MEIS3: variants seen among roughly 807,000 people sequenced by gnomAD.
The protein encoded by MEIS3 is Meis homeobox 3.
A neutral mutation model predicts 51.4 loss-of-function variants in MEIS3; 38 were observed. The observed-to-expected ratio is 0.74, with a 90% CI of 0.57 to 0.97. The LOEUF (loss-of-function observed/expected upper bound fraction) is 0.97, where lower values mean the gene tolerates loss of function less well. Ranked by LOEUF, MEIS3 falls within the 50% of genes least tolerant of loss-of-function variation. The pLI, the probability that MEIS3 is intolerant of heterozygous loss-of-function variation, is 0.00. For synonymous variants in MEIS3, 198 were observed against 201.8 expected, an observed-to-expected ratio of 0.98 and a Z score of 0.16; for missense variants, 456 against 502.6, an observed-to-expected ratio of 0.91 and a Z score of 0.89.
At chr19:47,406,552 A>G (rs780684396) in intron 11 of MEIS3, 26 bp from the exon 12 acceptor site, 2 of 1,613,328 alleles carry the variant, frequency 1.2e-6, no homozygotes, top group South Asian at 2.2e-5. Context: ...AAAGGAGGGT[A>G]AGTGCGTCTT....
intron 6 of MEIS3, 55 bp from the exon 7 acceptor site, chr19:47,409,602 G>A (rs973488778): frequency 7.7e-5 from 99 of 1,292,984 alleles, no homozygotes; most frequent in Non-Finnish European, 9.6e-5. Flanking sequence ...AGTGGCTCAC[G>A]CCTGTAATCC....
intron 9 of MEIS3, 84 bp from the exon 10 acceptor site, chr19:47,407,221 C>G: frequency 1.3e-6 from 2 of 1,509,412 alleles, no homozygotes; most frequent in Admixed American, 4.4e-5. Context: ...GGCCGGAGGA[C>G]AGCGGCGGGG....
intron 6 of MEIS3, among the ~76,000 whole-genome samples, chr19:47,412,841 TAC>T (rs1262235874): frequency 6.6e-6 from 1 of 151,958 alleles, no homozygotes; most frequent in Admixed American, 6.6e-5. Flanking sequence ...GTGCTGGGAT[TAC>T]AGTCGTGAGC....
intron 1 of MEIS3, chr19:47,418,864 G>A (rs1394275797): frequency 1.0e-5 from 4 of 395,304 alleles, no homozygotes; most frequent in African/African-American, 2.1e-5. Flanking sequence ...GGGAGGAGGC[G>A]AGGCCGAGGG....
rs1387762426 is a variant in MEIS3, at chr19:47,417,316, T to A, written c.47A>T (p.Asp16Val). ...DELPHYPGIV[D>V]GPAALASFPE... Reference sequence around the variant, plus strand: ...GAAGCTAGCCAGGGCTGCGGGGCCATCCACGATGCCTGGGTAGTGCGGCAG... The same window carrying A: ...GAAGCTAGCCAGGGCTGCGGGGCCAACCACGATGCCTGGGTAGTGCGGCAG... The change falls in exon 2 of 13, where the codon GAT becomes GTT. Residue 16 changes from aspartate (D) to valine (V), a missense_variant. Asp to Val is a radical substitution (Grantham distance 152). Coordinates refer to ENST00000558555, the MANE Select transcript of MEIS3 (RefSeq NM_001301059.2). 1 of 1,613,478 alleles carries A rather than the reference T, an allele frequency of 6.2e-7. No homozygotes were observed. Among genetic ancestry groups the A allele is most frequent in the Non-Finnish European group, 8.5e-7 (1 of 1,179,866 alleles).
At chr19:47,421,064 G>T (rs148593267), upstream of MEIS3, among the ~76,000 whole-genome samples, 540 of 151,956 alleles carry the variant, frequency 3.6e-3, no homozygotes, top group Non-Finnish European at 6.3e-3. Flanking sequence ...TGGAGCGGGG[G>T]TGCCTGTGTC....
rs888695548 is a variant in MEIS3, at chr19:47,409,148, G to C, written c.809C>G (p.Pro270Arg). The part of the protein sequence containing the change: ...RRRNKKRGIF[P>R]KVATNIMRAW... The stretch of plus-strand genomic sequence containing the variant: ...TCGCATGATGTTGGTGGCCACCTTG[G>C]GGAAGATCCCCCTCTTCTTGTTTCG... Residue 270 changes from proline (P) to arginine (R), a missense_variant, in exon 8 of 13, where the codon CCC (proline) becomes CGC (arginine). Pro to Arg is a moderately radical substitution (Grantham distance 103). Transcript: ENST00000558555. 6.2e-7 allele frequency: 1 copy of C among 1,611,938 alleles called. No homozygotes were observed.
chr19:47,407,487 G>T, intron 8 of MEIS3, 59 bp from the exon 9 acceptor site: 1 of 1,612,890 alleles, frequency 6.2e-7, no homozygotes. Flanking sequence ...TGAACCCCAA[G>T]GTCTGGCCCA....
In MEIS3 at chr19:47,415,569, CTCTCT is replaced by C. The variant is rs1383448525; in HGVS notation, c.397-473_397-469del. Among the ~76,000 whole-genome samples the C allele has an allele frequency of 9.6e-3, 1,087 of 112,774 alleles. 17 individuals are homozygous for C. The highest frequency in any genetic ancestry group is 0.035 in the African/African-American group (1,021 of 29,340). The allele number at this position is 112,774 out of a possible 152,430, so 74.0% of individuals were successfully genotyped here. A position where few individuals can be genotyped will look rare whatever the true frequency, so the allele number is the denominator to read the frequency against. ...TTCCTCCCTCCTTTCTTCTCTCTCT[CTCTCT>C]TTTTTTTTTTTTTTTTTGATATGGA... On this transcript the variant is annotated intron_variant, in intron 4 of 12. Transcript: ENST00000558555.
chr19:47,417,532 C>G (rs1971506781), intron 1 of MEIS3, 182 bp from the exon 2 acceptor site: 1 of 762,442 alleles, frequency 1.3e-6, no homozygotes, highest in Admixed American at 2.0e-5. Context: ...CTGGAGCTGC[C>G]TCGGTGGGGA....
chr19:47,407,717 A>G, intron 8 of MEIS3: 2 of 439,038 alleles, frequency 4.6e-6, no homozygotes, highest in Admixed American at 4.3e-5. Context: ...GGCGTGGGGG[A>G]GGGGCTTCAC....
At chr19:47,420,838 C>T (rs891350843), upstream of MEIS3, among the ~76,000 whole-genome samples, 2 of 151,320 alleles carry the variant, frequency 1.3e-5, no homozygotes, top group Non-Finnish European at 2.9e-5. Context: ...GAGGCTCTTC[C>T]TCCAGTCTTT....
chr19:47,406,355 A>G, intron 12 of MEIS3, 105 bp downstream of exon 12: 2 of 866,658 alleles, frequency 2.3e-6, no homozygotes, highest in Non-Finnish European at 3.8e-6. Flanking sequence ...CCCACAGTAC[A>G]GGGACCCAGG....
intron 10 of MEIS3, 50 bp downstream of exon 10, chr19:47,407,029 G>A (rs1970861096): frequency 6.3e-7 from 1 of 1,586,994 alleles, no homozygotes; most frequent in African/African-American, 1.3e-5. Flanking sequence ...ACCCGGCTTT[G>A]ACGCCCTCCT....
rs149363452 is a variant in MEIS3 at position 47,417,308 on chromosome 19, C to G, written c.55G>C (p.Ala19Pro). The G allele has an allele frequency of 9.3e-6, 15 of 1,613,512 alleles. No individual in the cohort carries two copies. The highest frequency in any genetic ancestry group is 1.3e-5 in the African/African-American group (1 of 74,902). ...GTCTCTGGGAAGCTAGCCAGGGCTG[C>G]GGGGCCATCCACGATGCCTGGGTAG... The part of the protein sequence containing the change: ...PHYPGIVDGP[A>P]ALASFPETVP... Residue 19 changes from alanine to proline, a missense_variant, in exon 2 of 13, where the codon GCA becomes CCA. Transcript: ENST00000558555.
chr19:47,406,452 C>T lies in MEIS3; in HGVS notation c.*17+8G>A. The T allele has an allele frequency of 1.2e-6, 2 of 1,611,838 alleles. No individual in the cohort carries two copies. The highest frequency in any genetic ancestry group is 1.1e-5 in the South Asian group (1 of 90,996). ...ATTGCACAATCCCCAGCCCTTAGAC[C>T]CTCACACCTCTCCTGCATCAGCCTC... On this transcript the variant is annotated splice_region_variant and intron_variant, in intron 12 of 12. Transcript: ENST00000558555.
Position 47,417,241 on chromosome 19 carries a change from G to A in MEIS3, c.122C>T (p.Pro41Leu), listed in dbSNP as rs1212183464. Residue 41 changes from proline to leucine, a missense_variant, in exon 2 of 13, where the codon CCC becomes CTC. By Grantham distance (98) the Pro-to-Leu change is moderately conservative. Coordinates refer to ENST00000558555, the MANE Select transcript of MEIS3 (RefSeq NM_001301059.2). ...GTCCAAGCCTGGGGGCAGGGGCTGG[G>A]GAGGCCGGTGCGGGCCATAGGGCCC... is the stretch of plus-strand genomic sequence containing the variant. The part of the protein sequence containing the change: ...VPGPYGPHRP[P>L]QPLPPGLDSD... 2 of 1,604,924 alleles carry A rather than the reference G, an allele frequency of 1.2e-6. No individual in the cohort carries two copies. Among genetic ancestry groups the A allele is most frequent in the East Asian group, 2.2e-5 (1 of 44,826 alleles).
upstream of MEIS3, among the ~76,000 whole-genome samples, chr19:47,421,449 G>A (rs572296573): frequency 1.7e-3 from 266 of 152,292 alleles, 1 homozygote; most frequent in African/African-American, 6.1e-3. Context: ...GCCTACAGGA[G>A]CAGACCGAAT....
chr19:47,420,600 G>A (rs923241957), upstream of MEIS3, among the ~76,000 whole-genome samples: 2 of 143,906 alleles, frequency 1.4e-5, no homozygotes, highest in Non-Finnish European at 3.0e-5. Context: ...ACAGACAGGA[G>A]GGGGAGGGAG....
Sources: gnomAD v4.1 joint callset for allele counts (sites outside exome capture counted in the v4.1 genomes callset) on GRCh38, gnomAD v4.1.1 for gene constraint, MANE v1.5 for transcripts, NCBI Gene and HGNC (gene_info 2026-07-23, HGNC 2026-07-21) for gene names.